Variants in MUC5AC observed in about 807,000 individuals in gnomAD.
MUC5AC encodes the protein mucin-5AC.
In MUC5AC, 158 loss-of-function variants were observed where a neutral mutation model predicts 169.7. The ratio of observed to expected loss-of-function variants is 0.93; its 90% confidence interval spans 0.82 to 1.06. MUC5AC has a LOEUF of 1.06. MUC5AC is among the 50% of genes least tolerant of loss of function. The probability of loss-of-function intolerance (pLI) is 0.00; values close to 1 mark genes in which losing one functional copy is unlikely to be tolerated. For missense variants in MUC5AC, 4,359 were observed against 3,089.9 expected (o/e 1.41, Z -9.74); for synonymous variants, 1,975 against 1,237.0 (o/e 1.60, Z -12.52).
chr11:1,198,238 G>A (rs565314243), intron 42 of MUC5AC, 30 bp from the exon 43 acceptor site: 1 of 742,762 alleles, frequency 1.3e-6, no homozygotes, highest in South Asian at 1.4e-5. Flanking sequence ...GGGCGGCGGG[G>A]GGTGCAGCTG....
At position 1,169,429 on chromosome 11, in the gene MUC5AC, CCTCA is replaced by C. The variant is rs1386795477; in HGVS notation, c.1870+413_1870+416del. On this transcript the variant is annotated intron_variant, in intron 15 of 48. Transcript: ENST00000621226. ...ATTCACTCACCCATTCGCCCACTCA[CCTCA>C]CTCACTCACCCACTCACTCACTCAC... 2.8e-5 allele frequency among the ~76,000 whole-genome samples: 3 copies of C among 106,886 alleles called. 1 individual carries two copies. The highest frequency in any genetic ancestry group is 5.7e-5 in the Non-Finnish European group (3 of 52,344). The allele number at this position is 106,886 out of a possible 152,430, so 70.1% of individuals were successfully genotyped here. A position where few individuals can be genotyped will look rare whatever the true frequency, so the allele number is the denominator to read the frequency against.
Position 1,180,787 on chromosome 11 carries a change from CA to C in MUC5AC, c.3776+272del, listed in dbSNP as rs1214457811. On this transcript the variant is annotated intron_variant, in intron 28 of 48. Coordinates refer to ENST00000621226, the MANE Select transcript of MUC5AC (RefSeq NM_001304359.2). ...CTCTGGGGAGCAGGCTCGAGGGGCT[CA>C]GGGGGCGGCAGGGGGAAGCTGGGCC... 6.6e-5 allele frequency among the ~76,000 whole-genome samples: 10 copies of C among 152,238 alleles called. No individual in the cohort carries two copies. The East Asian group carries it at 1.7e-3, about 26-fold the overall frequency.
In MUC5AC at chr11:1,171,942, T is replaced by TTCACTCAC. The variant is rs1161859817; in HGVS notation, c.1871-451_1871-444dup. 1.6e-3 allele frequency among the ~76,000 whole-genome samples: 135 copies of TTCACTCAC among 85,756 alleles called. 2 individuals are homozygous for TTCACTCAC. The highest frequency in any genetic ancestry group is 6.0e-3 in the Middle Eastern group (1 of 166). 56.3% of individuals were successfully genotyped at this position (85,756 alleles called of 152,430 possible). ...ACTCACTCACTCACTCATCCACTCATTCACTCACTCACTCACTCACTCACT... is the reference window on the plus strand; with the variant it reads ...ACTCACTCACTCACTCATCCACTCATTCACTCACTCACTCACTCACTCACTCACTCACT... On this transcript the variant is annotated intron_variant, in intron 15 of 48. Transcript: ENST00000621226.
chr11:1,161,803 T>C, intron 3 of MUC5AC, 104 bp from the exon 4 acceptor site: 1 of 1,477,150 alleles, frequency 6.8e-7, no homozygotes, highest in Non-Finnish European at 9.0e-7. Flanking sequence ...CAGCAGCACT[T>C]CCTGCAGGAC....
Position 1,191,051 on chromosome 11 carries a change from C to T in MUC5AC, c.12906C>T (p.Thr4302=). Residue 4302 remains threonine (T), a synonymous_variant, in exon 31 of 49, where the codon ACC becomes ACT. Coordinates refer to ENST00000621226, the MANE Select transcript of MUC5AC (RefSeq NM_001304359.2). ...GAACTACTCCCAGCCCTGTTCCCAC[C>T]ACCAGCACAACCTCTGCTCCTACAA... ...GPGTTPSPVP[T]TSTTSAPTTS... The T allele has an allele frequency of 1.3e-6, 1 of 743,566 alleles. No homozygotes were observed. Among genetic ancestry groups the T allele is most frequent in the Non-Finnish European group, 2.4e-6 (1 of 409,106 alleles). 46.1% of individuals were successfully genotyped at this position (743,566 alleles called of 1,614,324 possible). A position where few individuals can be genotyped will look rare whatever the true frequency, so the allele number is the denominator to read the frequency against.
At chr11:1,173,424 C>A (rs1860599073) in intron 16 of MUC5AC, among the ~76,000 whole-genome samples, 1 of 151,322 alleles carries the variant, frequency 6.6e-6, no homozygotes, top group African/African-American at 2.4e-5. Context: ...CCTTCACCTA[C>A]TCATTCATTC....
chr11:1,174,878 G>T lies in MUC5AC; in HGVS notation c.2093-4G>T, dbSNP rs1237656055. On this transcript the variant is annotated splice_region_variant and splice_polypyrimidine_tract_variant and intron_variant, in intron 17 of 48. Transcript: ENST00000621226. ...GAGAATCCCCTCTTCCTGGCATCCCGCAGCGAAGCCTATGACCACTTGCCC... is the reference window on the plus strand; with the variant it reads ...GAGAATCCCCTCTTCCTGGCATCCCTCAGCGAAGCCTATGACCACTTGCCC... 1 of 420,062 alleles carries T rather than the reference G, an allele frequency of 2.4e-6. No homozygotes were observed. The highest frequency in any genetic ancestry group is 4.2e-6 in the Non-Finnish European group (1 of 237,640). 26.0% of individuals were successfully genotyped at this position (420,062 alleles called of 1,614,324 possible).
intron 42 of MUC5AC, 103 bp downstream of exon 42, chr11:1,198,107 G>T: frequency 1.5e-6 from 1 of 651,684 alleles, no homozygotes; most frequent in Non-Finnish European, 2.8e-6. Flanking sequence ...GTCCACTGCG[G>T]GTCTGTGGCT....
At position 1,181,397 on chromosome 11, in the gene MUC5AC, A is replaced by C. The variant is rs1590143463; in HGVS notation, c.3947A>C (p.Tyr1316Ser). The C allele has an allele frequency of 2.5e-6, 1 of 397,952 alleles. No individual in the cohort carries two copies. The highest frequency in any genetic ancestry group is 2.1e-5 in the African/African-American group (1 of 48,408). The allele number at this position is 397,952 out of a possible 1,614,324, so 24.7% of individuals were successfully genotyped here. A position where few individuals can be genotyped will look rare whatever the true frequency, so the allele number is the denominator to read the frequency against. ...AACGGCACCATTGAGAGGAGGGTCT[A>C]CCCCTGCAGCCCCACCACCCCTGTC... ...GANGTIERRV[Y>S]PCSPTTPVPP... The change falls in exon 30 of 49, where the codon TAC becomes TCC. Residue 1316 changes from tyrosine to serine, a missense_variant. Transcript: ENST00000621226.
At position 1,165,605 on chromosome 11, in the gene MUC5AC, C is replaced by A; in HGVS notation, c.1248-17C>A. 6.2e-7 allele frequency: 1 copy of A among 1,611,188 alleles called. No individual in the cohort carries two copies. The highest frequency in any genetic ancestry group is 8.5e-7 in the Non-Finnish European group (1 of 1,179,588). ...TCCTGGGGCCGGCACCCACGTGGCA[C>A]CATCTCTTGCTCTCAGCACCTGCTC... On this transcript the variant is annotated splice_polypyrimidine_tract_variant and intron_variant, in intron 10 of 48. Transcript: ENST00000621226.
intron 4 of MUC5AC, 123 bp from the exon 5 acceptor site, chr11:1,162,409 C>A (rs1380785566): frequency 1.9e-6 from 2 of 1,060,184 alleles, no homozygotes; most frequent in Non-Finnish European, 1.4e-6. Flanking sequence ...GGTCAATGTC[C>A]CCATCCCAGA....
rs1449374263 is a variant in MUC5AC at position 1,199,419 on chromosome 11, TG to T, written c.16445del (p.Cys5482LeufsTer29). On this transcript the variant is annotated frameshift_variant, in exon 46 of 49. Transcript: ENST00000621226. LOFTEE classifies it high-confidence loss of function. ...AGGGAACCACTGTGTGACCCACCAG[TG>T]TGAGAAGCACCAGGATGGGCTCGTG... Reference protein sequence around the residue: ...DAGNHCVTHQCEKHQDGLVVV... With the variant: ...DAGNHCVTHQXEKHQDGLVVV... 2 of 731,788 alleles carry T rather than the reference TG, an allele frequency of 2.7e-6. No homozygotes were observed. Among genetic ancestry groups the T allele is most frequent in the Non-Finnish European group, 5.0e-6 (2 of 401,418 alleles). 45.3% of individuals were successfully genotyped at this position (731,788 alleles called of 1,614,324 possible).
Position 1,194,347 on chromosome 11 carries a change from T to C in MUC5AC, c.14993T>C (p.Val4998Ala). The C allele has an allele frequency of 1.4e-6, 1 of 731,600 alleles. No individual in the cohort carries two copies. The highest frequency in any genetic ancestry group is 2.5e-6 in the Non-Finnish European group (1 of 401,836). 45.3% of individuals were successfully genotyped at this position (731,600 alleles called of 1,614,324 possible). A position where few individuals can be genotyped will look rare whatever the true frequency, so the allele number is the denominator to read the frequency against. ...VVLTRKPVHG[V>A]MTNEIIFNNK... ...CTGACCCGCAAGCCAGTCCACGGGG[T>C]GATGACAAACGAGGTGGGGGCGCGC... The change falls in exon 34 of 49, where the codon GTG (valine) becomes GCG (alanine). Residue 4998 changes from valine (V) to alanine (A), a missense_variant. Transcript: ENST00000621226.
rs1860909857 is a variant in MUC5AC at position 1,185,255 on chromosome 11, C to T, written c.7110C>T (p.Thr2370=). 1 of 704,096 alleles carries T rather than the reference C, an allele frequency of 1.4e-6. No homozygotes were observed. Among genetic ancestry groups the T allele is most frequent in the African/African-American group, 1.8e-5 (1 of 55,678 alleles). The allele number at this position is 704,096 out of a possible 1,614,324, so 43.6% of individuals were successfully genotyped here. The part of the protein sequence containing the change: ...PTTSTTSAPT[T]STTSARTSST... ...CCAGCACAACCTCTGCTCCTACAAC[C>T]AGCACAACCTCTGCCCGTACAAGCA... Residue 2370 remains threonine, a synonymous_variant, in exon 31 of 49, where the codon ACC becomes ACT. Transcript: ENST00000621226.
At position 1,171,351 on chromosome 11, in the gene MUC5AC, TCACTCACC is replaced by T. The variant is rs1286016422; in HGVS notation, c.1871-1059_1871-1052del. On this transcript the variant is annotated intron_variant, in intron 15 of 48. Coordinates refer to ENST00000621226, the MANE Select transcript of MUC5AC (RefSeq NM_001304359.2). ...CTCACTCACTCACGCATTCACTCAC[TCACTCACC>T]CACTCACCCACTCACCCATTCACTC... 1.3e-4 allele frequency among the ~76,000 whole-genome samples: 14 copies of T among 105,504 alleles called. 1 individual carries two copies. Among genetic ancestry groups the T allele is most frequent in the Admixed American group, 2.0e-4 (2 of 10,172 alleles). 69.2% of individuals were successfully genotyped at this position (105,504 alleles called of 152,430 possible). A position where few individuals can be genotyped will look rare whatever the true frequency, so the allele number is the denominator to read the frequency against.
At chr11:1,195,788 GAGACTGCCCTGA>G in intron 36 of MUC5AC, 76 bp from the exon 37 acceptor site, 1 of 685,114 alleles carries the variant, frequency 1.5e-6, no homozygotes. Context: ...GCCTCGCCTG[GAGACTGCCCTGA>G]AGCCTGGGAG....
At chr11:1,160,749 G>A (rs1860119017) in intron 2 of MUC5AC, 60 bp downstream of exon 2, 4 of 1,526,908 alleles carry the variant, frequency 2.6e-6, no homozygotes, top group East Asian at 4.8e-5. Context: ...CCACCGTGTG[G>A]CACGGCCCCT....
chr11:1,187,441 G>T lies in MUC5AC; in HGVS notation c.9296G>T (p.Ser3099Ile). 1 of 723,258 alleles carries T rather than the reference G, an allele frequency of 1.4e-6. No homozygotes were observed. Among genetic ancestry groups the T allele is most frequent in the Non-Finnish European group, 2.5e-6 (1 of 398,488 alleles). 44.8% of individuals were successfully genotyped at this position (723,258 alleles called of 1,614,324 possible). ...TTSTISAPTT[S>I]TTSAPTTSTT... Reference sequence around the variant, plus strand: ...AGCACAATCTCGGCCCCAACAACCAGCACAACGTCTGCTCCTACAACCAGC... The same window carrying T: ...AGCACAATCTCGGCCCCAACAACCATCACAACGTCTGCTCCTACAACCAGC... The change falls in exon 31 of 49, where the codon AGC becomes ATC. Residue 3099 changes from serine to isoleucine, a missense_variant. By Grantham distance (142) the Ser-to-Ile change is moderately radical. Coordinates refer to ENST00000621226, the MANE Select transcript of MUC5AC (RefSeq NM_001304359.2).
chr11:1,181,100 G>A (rs1016659330), intron 28 of MUC5AC, 39 bp from the exon 29 acceptor site: 10 of 398,394 alleles, frequency 2.5e-5, no homozygotes, highest in Admixed American at 4.4e-5. Context: ...GCACACGGCC[G>A]CCCCCACGCA....
Sources: gnomAD v4.1 joint callset for allele counts (sites outside exome capture counted in the v4.1 genomes callset) on GRCh38, gnomAD v4.1.1 for gene constraint, MANE v1.5 for transcripts, NCBI Gene and HGNC (gene_info 2026-07-23, HGNC 2026-07-21) for gene names.